The following COL7A1 variants were observed in gnomAD, a reference collection of about 807,000 sequenced individuals.
COL7A1 encodes collagen type VII alpha 1 chain.
Under a neutral mutation model 456.2 loss-of-function variants are expected in COL7A1, and 296 were observed. The observed-to-expected ratio is 0.65, with a 90% CI of 0.59 to 0.71. The LOEUF (loss-of-function observed/expected upper bound fraction) is 0.71, where lower values mean the gene tolerates loss of function less well. Among genes scored for constraint, COL7A1 ranks in the 30% least tolerant of loss-of-function variants. The pLI is 0.00. For synonymous variants in COL7A1, 1,464 were observed against 1,525.9 expected (o/e 0.96, Z 0.95); for missense variants, 3,441 against 4,017.2 (o/e 0.86, Z 3.88).
chr3:48,567,535 C>T lies in COL7A1; in HGVS notation c.8046+39G>A, dbSNP rs2043660942. The T allele has an allele frequency of 6.2e-7, 1 of 1,613,752 alleles. No individual in the cohort carries two copies. The highest frequency in any genetic ancestry group is 1.7e-5 in the Admixed American group (1 of 60,014). Reference sequence around the variant, plus strand: ...CGACCATGAGCTTCCCTGCCCCATCCTGACTCCCTGTCATGTCCACTGTCC... The same window carrying T: ...CGACCATGAGCTTCCCTGCCCCATCTTGACTCCCTGTCATGTCCACTGTCC... On this transcript the variant is annotated intron_variant, in intron 109 of 118. Coordinates refer to ENST00000681320, the MANE Select transcript of COL7A1 (RefSeq NM_000094.4). The surrounding 1 kb of genome is among the most constrained non-coding windows in gnomAD (Gnocchi z 4.3).
In COL7A1 at chr3:48,572,061, G is replaced by A. The variant is rs775698812; in HGVS notation, c.7024-16C>T. The A allele has an allele frequency of 6.2e-7, 1 of 1,612,698 alleles. No homozygotes were observed. Among genetic ancestry groups the A allele is most frequent in the Non-Finnish European group, 8.5e-7 (1 of 1,179,478 alleles). On this transcript the variant is annotated splice_polypyrimidine_tract_variant and intron_variant, in intron 91 of 118. Coordinates refer to ENST00000681320, the MANE Select transcript of COL7A1 (RefSeq NM_000094.4). This position sits in a 1 kb window ranked among gnomAD's most constrained non-coding sequence, Gnocchi z 4.6. ...CAGCTTCACCCTGCACAGAATGGCA[G>A]GTGAGGGGTGTCTGGACTGAGCCTT...
Position 48,585,188 on chromosome 3 carries a change from C to T in COL7A1, c.3895-72G>A. The stretch of plus-strand genomic sequence containing the variant: ...CCCCTGGTTTGCTGGAGGGGCCTCA[C>T]CCCATCAACAAGGGGTCGCCTACCC... On this transcript the variant is annotated intron_variant, in intron 32 of 118. Transcript: ENST00000681320. The surrounding 1 kb of genome is among the most constrained non-coding windows in gnomAD (Gnocchi z 4.5). The T allele has an allele frequency of 6.7e-7, 1 of 1,487,610 alleles. No homozygotes were observed. Among genetic ancestry groups the T allele is most frequent in the Non-Finnish European group, 9.2e-7 (1 of 1,081,658 alleles). The allele number at this position is 1,487,610 out of a possible 1,614,324, so 92.2% of individuals were successfully genotyped here.
Position 48,565,561 on chromosome 3 carries a change from C to G in COL7A1, c.8441-65G>C. ...CATGGGCAGCCATCCCAGCCAACCC[C>G]CCTGAGAGGACCCCAGTTGATAGGC... is the stretch of plus-strand genomic sequence containing the variant. On this transcript the variant is annotated intron_variant, in intron 115 of 118. Transcript: ENST00000681320. This position sits in a 1 kb window ranked among gnomAD's most constrained non-coding sequence, Gnocchi z 4.5. The G allele has an allele frequency of 6.2e-7, 1 of 1,614,052 alleles. No individual in the cohort carries two copies. Among genetic ancestry groups the G allele is most frequent in the East Asian group, 2.2e-5 (1 of 44,874 alleles).
chr3:48,578,265 T>C lies in COL7A1; in HGVS notation c.5532+56A>G. The stretch of plus-strand genomic sequence containing the variant: ...TGTGTTGCTACAGATCTTGGCTGTG[T>C]AGGTGTGCTGGCGTTTCTTGGCAGG... On this transcript the variant is annotated intron_variant, in intron 65 of 118. Transcript: ENST00000681320. The surrounding 1 kb of genome is among the most constrained non-coding windows in gnomAD (Gnocchi z 4.7). 6.2e-7 allele frequency: 1 copy of C among 1,604,712 alleles called. No homozygotes were observed. The highest frequency in any genetic ancestry group is 8.5e-7 in the Non-Finnish European group (1 of 1,173,864).
rs2044603399 is a variant in COL7A1, at chr3:48,579,796, C to T, written c.5143G>A (p.Ala1715Thr). 1 of 1,614,060 alleles carries T rather than the reference C, an allele frequency of 6.2e-7. No homozygotes were observed. The highest frequency in any genetic ancestry group is 1.7e-5 in the Admixed American group (1 of 60,028). The change falls in exon 58 of 119, where the codon GCC becomes ACC. Residue 1715 changes from alanine to threonine, a missense_variant. Around this residue, in one of 3 missense-constraint regions of COL7A1, gnomAD observed 2,084 missense variants for 2,501.3 expected, o/e 0.83. Coordinates refer to ENST00000681320, the MANE Select transcript of COL7A1 (RefSeq NM_000094.4). The surrounding 1 kb of genome is among the most constrained non-coding windows in gnomAD (Gnocchi z 4.4). ...PGRLVDTGPG[A>T]REKGEPGDRG... is the part of the protein sequence containing the mutation. ...ACAGACCCTAATACCTTCTCTCTGG[C>T]TCCAGGTCCTGTGTCTACCTGTGGG...
In COL7A1 at chr3:48,570,416, G is replaced by A. The variant is rs760027778; in HGVS notation, c.7380+49C>T. The stretch of plus-strand genomic sequence containing the variant: ...TCATGGGAGGTCAGTGGAGGCTGAA[G>A]GGGGTGACCAGGGCACAAGAGAGAG... On this transcript the variant is annotated intron_variant, in intron 97 of 118. Transcript: ENST00000681320. This position sits in a 1 kb window ranked among gnomAD's most constrained non-coding sequence, Gnocchi z 5.5. 1 of 1,613,990 alleles carries A rather than the reference G, an allele frequency of 6.2e-7. No homozygotes were observed. Among genetic ancestry groups the A allele is most frequent in the Admixed American group, 1.7e-5 (1 of 60,016 alleles).
Position 48,574,615 on chromosome 3 carries a change from C to CA in COL7A1, c.6393+61_6393+62insT. 4 of 1,613,830 alleles carry CA rather than the reference C, an allele frequency of 2.5e-6. No individual in the cohort carries two copies. Among genetic ancestry groups the CA allele is most frequent in the Non-Finnish European group, 3.4e-6 (4 of 1,179,982 alleles). On this transcript the variant is annotated intron_variant, in intron 78 of 118. Coordinates refer to ENST00000681320, the MANE Select transcript of COL7A1 (RefSeq NM_000094.4). This position sits in a 1 kb window ranked among gnomAD's most constrained non-coding sequence, Gnocchi z 5.0. ...CCACGTGCCCAGGTGCATATGCACA[C>CA]CACCTCTAGTGTGCCCCCAGAAAGG... is the stretch of plus-strand genomic sequence containing the variant.
In COL7A1 at chr3:48,574,904, A is replaced by G; in HGVS notation, c.6280-39T>C. 1.2e-6 allele frequency: 2 copies of G among 1,611,326 alleles called. No individual in the cohort carries two copies. Among genetic ancestry groups the G allele is most frequent in the African/African-American group, 1.3e-5 (1 of 74,944 alleles). The stretch of plus-strand genomic sequence containing the variant: ...GTCACAGGGGAGAGATGTCTCTGTC[A>G]TAGAGGCATGGGGGAGTCATCACAG... On this transcript the variant is annotated intron_variant, in intron 76 of 118. Transcript: ENST00000681320. This position sits in a 1 kb window ranked among gnomAD's most constrained non-coding sequence, Gnocchi z 5.0.
At position 48,571,570 on chromosome 3, in the gene COL7A1, C is replaced by T. The variant is rs987976506; in HGVS notation, c.7069-292G>A. The T allele has an allele frequency of 1.2e-5, 8 of 676,512 alleles. No individual in the cohort carries two copies. Among genetic ancestry groups the T allele is most frequent in the Admixed American group, 4.1e-5 (2 of 48,670 alleles). 41.9% of individuals were successfully genotyped at this position (676,512 alleles called of 1,614,324 possible). On this transcript the variant is annotated intron_variant, in intron 92 of 118. Coordinates refer to ENST00000681320, the MANE Select transcript of COL7A1 (RefSeq NM_000094.4). The surrounding 1 kb of genome is among the most constrained non-coding windows in gnomAD (Gnocchi z 4.6). Reference sequence around the variant, plus strand: ...ACATCTGGCTCCACAGACGTGAGTGCGGACACACGGGCGCTCAGAGGGGAA... The same window carrying T: ...ACATCTGGCTCCACAGACGTGAGTGTGGACACACGGGCGCTCAGAGGGGAA...
At position 48,580,112 on chromosome 3, in the gene COL7A1, T is replaced by C. The variant is rs1027883558; in HGVS notation, c.5098-55A>G. On this transcript the variant is annotated intron_variant, in intron 56 of 118. Transcript: ENST00000681320. The surrounding 1 kb of genome is among the most constrained non-coding windows in gnomAD (Gnocchi z 4.5). ...GAGCCCTCAGGTCCCAGGCCATGGC[T>C]CTGGTTTGCCCCAGGCTCAACTCTG... is the stretch of plus-strand genomic sequence containing the variant. The C allele has an allele frequency of 1.9e-6, 3 of 1,604,978 alleles. No homozygotes were observed. The African/African-American group carries it at 4.0e-5, about 21-fold the overall frequency.
Position 48,587,002 on chromosome 3 carries a change from T to C in COL7A1, c.3246A>G (p.Ala1082=). 6.2e-7 allele frequency: 1 copy of C among 1,600,420 alleles called. No homozygotes were observed. Among genetic ancestry groups the C allele is most frequent in the South Asian group, 1.1e-5 (1 of 88,640 alleles). Residue 1082 remains alanine, a synonymous_variant, in exon 25 of 119, where the codon GCA becomes GCG. Transcript: ENST00000681320. This position sits in a 1 kb window ranked among gnomAD's most constrained non-coding sequence, Gnocchi z 6.1. ...CTGCCTGTGGCCCAAGAGGCCCAAG[T>C]GCCAACACCAGACGCTCCAGGACCC... is the stretch of plus-strand genomic sequence containing the variant. ...TRRVLERLVL[A]LGPLGPQAVQ... is the part of the protein sequence containing the mutation.
rs1467231262 is a variant in COL7A1 at position 48,574,413 on chromosome 3, C to T, written c.6456+75G>A. The T allele has an allele frequency of 6.2e-7, 1 of 1,612,088 alleles. No individual in the cohort carries two copies. Among genetic ancestry groups the T allele is most frequent in the South Asian group, 1.1e-5 (1 of 91,034 alleles). On this transcript the variant is annotated intron_variant, in intron 79 of 118. Transcript: ENST00000681320. The surrounding 1 kb of genome is among the most constrained non-coding windows in gnomAD (Gnocchi z 5.0). ...CCAGACAGTCCCAGGCAGTACAGAC[C>T]CCAGCCCTGCACACAGGACAATACA...
rs896727342 is a variant in COL7A1 at position 48,565,083 on chromosome 3, C to T, written c.8620+26G>A. Reference sequence around the variant, plus strand: ...TCAGCCCTGCCTGCCCCTCCCCAGACCCCGCTGGCAGCCCCCCATTCTCAC... The same window carrying T: ...TCAGCCCTGCCTGCCCCTCCCCAGATCCCGCTGGCAGCCCCCCATTCTCAC... On this transcript the variant is annotated intron_variant, in intron 117 of 118. Transcript: ENST00000681320. This position sits in a 1 kb window ranked among gnomAD's most constrained non-coding sequence, Gnocchi z 4.5. 1 of 1,455,592 alleles carries T rather than the reference C, an allele frequency of 6.9e-7. No homozygotes were observed. Among genetic ancestry groups the T allele is most frequent in the Admixed American group, 2.2e-5 (1 of 44,652 alleles). The allele number at this position is 1,455,592 out of a possible 1,614,324, so 90.2% of individuals were successfully genotyped here.
Position 48,578,582 on chromosome 3 carries a change from T to A in COL7A1, c.5425-67A>T. 5.2e-6 allele frequency: 8 copies of A among 1,552,980 alleles called. No individual in the cohort carries two copies. Among genetic ancestry groups the A allele is most frequent in the Non-Finnish European group, 7.1e-6 (8 of 1,129,174 alleles). ...ATCCCTTGGGGCACACCCCATGGACTAAGAGGACCCCAAAAAGATCTCCCT... is the reference window on the plus strand; with the variant it reads ...ATCCCTTGGGGCACACCCCATGGACAAAGAGGACCCCAAAAAGATCTCCCT... On this transcript the variant is annotated intron_variant, in intron 63 of 118. Transcript: ENST00000681320. The surrounding 1 kb of genome is among the most constrained non-coding windows in gnomAD (Gnocchi z 4.7).
chr3:48,584,844 A>G, intron 34 of COL7A1, 66 bp downstream of exon 34: 2 of 1,613,784 alleles, frequency 1.2e-6, no homozygotes, highest in Non-Finnish European at 1.7e-6. Context: ...CCACCACCCC[A>G]GGCTCCCACC....
At position 48,569,936 on chromosome 3, in the gene COL7A1, G is replaced by C; in HGVS notation, c.7486-21C>G. On this transcript the variant is annotated intron_variant, in intron 99 of 118. Transcript: ENST00000681320. This position sits in a 1 kb window ranked among gnomAD's most constrained non-coding sequence, Gnocchi z 4.9. ...GGCCCCTGTGTGAGAGAAGGTGACC[G>C]TGAGCTACAGGAACCAGGGCAGTGG... 2 of 1,613,906 alleles carry C rather than the reference G, an allele frequency of 1.2e-6. No individual in the cohort carries two copies. Among genetic ancestry groups the C allele is most frequent in the Non-Finnish European group, 1.7e-6 (2 of 1,179,900 alleles).
chr3:48,565,536 CATGGG>C lies in COL7A1; in HGVS notation c.8441-45_8441-41del. Reference sequence around the variant, plus strand: ...AGGGGCCTCAGGGCCCTGAAGTCACCATGGGCAGCCATCCCAGCCAACCCCCCTGA... The same window carrying C: ...AGGGGCCTCAGGGCCCTGAAGTCACCCAGCCATCCCAGCCAACCCCCCTGA... On this transcript the variant is annotated intron_variant, in intron 115 of 118. Transcript: ENST00000681320. The surrounding 1 kb of genome is among the most constrained non-coding windows in gnomAD (Gnocchi z 4.5). 1 of 1,613,508 alleles carries C rather than the reference CATGGG, an allele frequency of 6.2e-7. No individual in the cohort carries two copies. Among genetic ancestry groups the C allele is most frequent in the South Asian group, 1.1e-5 (1 of 91,040 alleles).
At chr3:48,577,673 G>A (rs1475258902) in intron 65 of COL7A1, among the ~76,000 whole-genome samples, 1 of 152,222 alleles carries the variant, frequency 6.6e-6, no homozygotes, top group Non-Finnish European at 1.5e-5. Context: ...CTGGGTGGAA[G>A]TGTCTGGGTA....
Position 48,580,733 on chromosome 3 carries a change from C to T in COL7A1, c.4981-81G>A. The T allele has an allele frequency of 1.3e-6, 2 of 1,568,972 alleles. No individual in the cohort carries two copies. Among genetic ancestry groups the T allele is most frequent in the Non-Finnish European group, 1.8e-6 (2 of 1,141,558 alleles). On this transcript the variant is annotated intron_variant, in intron 54 of 118. Transcript: ENST00000681320. This position sits in a 1 kb window ranked among gnomAD's most constrained non-coding sequence, Gnocchi z 4.5. Reference sequence around the variant, plus strand: ...ATGACCCGCTACACTGCCCCAGGTTCCCCATTACTCCAAAATCCACATCAG... The same window carrying T: ...ATGACCCGCTACACTGCCCCAGGTTTCCCATTACTCCAAAATCCACATCAG...
Sources: gnomAD v4.1 joint callset for allele counts (sites outside exome capture counted in the v4.1 genomes callset) on GRCh38, gnomAD v4.1.1 for gene constraint, gnomAD v4.1.1 regional missense constraint, Gnocchi (gnomAD v3.1) non-coding constraint, MANE v1.5 for transcripts, NCBI Gene and HGNC (gene_info 2026-07-23, HGNC 2026-07-21) for gene names.